AGBL1: variants seen among roughly 807,000 people sequenced by gnomAD.
AGBL1 encodes the protein AGBL carboxypeptidase 1.
AGBL1 carries 130 observed loss-of-function variants against 118.9 expected under a neutral mutation model. That is an observed-to-expected ratio of 1.09 (90% CI 0.95 to 1.26). AGBL1 has a LOEUF of 1.26. Among genes scored for constraint, AGBL1 ranks in the 50% most tolerant of loss-of-function variants. The probability of loss-of-function intolerance (pLI) is 0.00; values close to 1 mark genes in which losing one functional copy is unlikely to be tolerated. For synonymous variants in AGBL1, 555 were observed against 478.9 expected, an observed-to-expected ratio of 1.16 and a Z score of -2.08; for missense variants, 1,584 against 1,298.1, an observed-to-expected ratio of 1.22 and a Z score of -3.38.
chr15:86,771,986 GA>G (rs1449575769), intron 22 of AGBL1, among the ~76,000 whole-genome samples: 1 of 151,950 alleles, frequency 6.6e-6, no homozygotes, highest in Non-Finnish European at 1.5e-5. Flanking sequence ...AAGGGCCTGA[GA>G]GGGGCAGAAT....
chr15:86,473,976 A>G (rs17674220), intron 18 of AGBL1, among the ~76,000 whole-genome samples: 70,384 of 151,984 alleles, frequency 0.46, 16,901 homozygotes, highest in Middle Eastern at 0.56. Context: ...TCTGAATTTC[A>G]TAAGAATGAA....
chr15:86,897,266 C>G (rs557058689), intron 22 of AGBL1, among the ~76,000 whole-genome samples: 1 of 152,122 alleles, frequency 6.6e-6, no homozygotes, highest in African/African-American at 2.4e-5. Flanking sequence ...GACATAGAGA[C>G]AGTATTCAGT....
intron 8 of AGBL1, among the ~76,000 whole-genome samples, chr15:86,257,355 A>G (rs144003707): frequency 5.0e-3 from 766 of 152,338 alleles, no homozygotes; most frequent in Non-Finnish European, 8.0e-3. Flanking sequence ...TGACTGTGGA[A>G]TTAATTTGCC....
intron 17 of AGBL1, among the ~76,000 whole-genome samples, chr15:86,331,497 A>G (rs1009562795): frequency 6.6e-6 from 1 of 152,152 alleles, no homozygotes; most frequent in African/African-American, 2.4e-5. Context: ...AAGGCGTATA[A>G]TCACCAGACT....
intron 18 of AGBL1, among the ~76,000 whole-genome samples, chr15:86,473,370 T>A (rs894858250): frequency 2.0e-5 from 3 of 152,184 alleles, no homozygotes; most frequent in Middle Eastern, 3.2e-3. Flanking sequence ...TTTTCTCTAT[T>A]GATCTTTTTT....
At chr15:86,466,053 T>G (rs2082402084) in intron 18 of AGBL1, among the ~76,000 whole-genome samples, 1 of 152,218 alleles carries the variant, frequency 6.6e-6, no homozygotes, top group South Asian at 2.1e-4. Flanking sequence ...TTCTTTCTTT[T>G]GTATTCTTTC....
At chr15:86,449,946 T>TA (rs11374997) in intron 18 of AGBL1, among the ~76,000 whole-genome samples, 80,925 of 151,168 alleles carry the variant, frequency 0.54, 22,477 homozygotes, top group East Asian at 0.81. Context: ...GCTGGCGTAT[T>TA]AAAAAAAAAT....
At chr15:86,904,047 G>A (rs2080248080) in intron 22 of AGBL1, among the ~76,000 whole-genome samples, 1 of 151,576 alleles carries the variant, frequency 6.6e-6, no homozygotes. Context: ...GGATGGGGGT[G>A]GGACTGCTGG....
chr15:86,825,296 G>A (rs574080812), intron 22 of AGBL1, among the ~76,000 whole-genome samples: 21 of 141,932 alleles, frequency 1.5e-4, no homozygotes, highest in Non-Finnish European at 2.0e-4. Flanking sequence ...TCCATAAAAG[G>A]AGAAATTGAT....
At chr15:86,271,427 A>AT (rs2079160001) in intron 14 of AGBL1, among the ~76,000 whole-genome samples, 192 bp from the exon 15 acceptor site, 1 of 152,162 alleles carries the variant, frequency 6.6e-6, no homozygotes, top group African/African-American at 2.4e-5. Context: ...TTATGATTGC[A>AT]TTTAGGGCTC....
At chr15:86,981,419 ATGTT>A (rs921368672) in intron 23 of AGBL1, among the ~76,000 whole-genome samples, 1 of 152,156 alleles carries the variant, frequency 6.6e-6, no homozygotes, top group Non-Finnish European at 1.5e-5. Flanking sequence ...AGAAAAGCTA[ATGTT>A]TGTTTAATTT....
chr15:86,471,398 C>T (rs2082476862), intron 18 of AGBL1, among the ~76,000 whole-genome samples: 1 of 151,906 alleles, frequency 6.6e-6, no homozygotes, highest in Admixed American at 6.6e-5. Context: ...ACAAATTCCA[C>T]TTGATCTCAG....
rs750144535 is a variant in AGBL1 at position 86,256,989 on chromosome 15, C to T, written c.872C>T (p.Thr291Ile). 9.3e-6 allele frequency: 15 copies of T among 1,613,908 alleles called. No individual in the cohort carries two copies. In the South Asian group the frequency reaches 1.5e-4, roughly 17 times the overall value. The change falls in exon 8 of 23, where the codon ACC becomes ATC. Residue 291 changes from threonine to isoleucine, a missense_variant. By Grantham distance (89) the Thr-to-Ile change is moderately conservative. Transcript: ENST00000614907. ...GCCTTCCCGGTCCCCGGGTGCATCA[C>T]CACTGAACCTCCACATGATCTACCT... ...AYAFPVPGCI[T>I]TEPPHDLPEE... is the part of the protein sequence containing the mutation.
chr15:86,749,541 C>T (rs2077814311), intron 22 of AGBL1, among the ~76,000 whole-genome samples: 2 of 152,088 alleles, frequency 1.3e-5, no homozygotes, highest in East Asian at 1.9e-4. Context: ...GAACTTCCAA[C>T]ACTATGTTGA....
intron 17 of AGBL1, among the ~76,000 whole-genome samples, chr15:86,328,216 A>T (rs547424654): frequency 6.6e-6 from 1 of 152,314 alleles, no homozygotes; most frequent in Non-Finnish European, 1.5e-5. Flanking sequence ...GCTTATTGTG[A>T]TTCTTCTCCC....
intron 23 of AGBL1, among the ~76,000 whole-genome samples, chr15:86,940,847 G>T (rs2080742507): frequency 6.6e-6 from 1 of 152,128 alleles, no homozygotes; most frequent in Non-Finnish European, 1.5e-5. Context: ...TACCTTACAA[G>T]AAATATAAAT....
intron 18 of AGBL1, among the ~76,000 whole-genome samples, chr15:86,458,494 G>T (rs766480531): frequency 3.9e-5 from 6 of 152,048 alleles, no homozygotes; most frequent in African/African-American, 1.4e-4. Context: ...TTCATTCCAC[G>T]GTAGTCAGTC....
intron 22 of AGBL1, 30 bp downstream of exon 22, chr15:86,674,466 T>C (rs1303806527): frequency 3.2e-6 from 5 of 1,585,124 alleles, no homozygotes; most frequent in Admixed American, 1.7e-5. Context: ...TCAGAGAAAT[T>C]TGGACCTTGG....
intron 21 of AGBL1, among the ~76,000 whole-genome samples, chr15:86,620,631 CT>C (rs1486016453): frequency 6.6e-6 from 1 of 152,132 alleles, no homozygotes; most frequent in Non-Finnish European, 1.5e-5. Flanking sequence ...GCATGCATTA[CT>C]TTTGTTTAAC....
Sources: gnomAD v4.1 joint callset for allele counts (sites outside exome capture counted in the v4.1 genomes callset) on GRCh38, gnomAD v4.1.1 for gene constraint, MANE v1.5 for transcripts, NCBI Gene and HGNC (gene_info 2026-07-23, HGNC 2026-07-21) for gene names.